Variants in PHF14 observed in about 807,000 individuals in gnomAD.
PHF14 encodes PHD finger protein 14.
Under a neutral mutation model 117.9 loss-of-function variants are expected in PHF14, and 55 were observed. The ratio of observed to expected loss-of-function variants is 0.47; its 90% CI spans 0.38 to 0.58. The LOEUF is 0.58. PHF14 is among the 20% of genes least tolerant of loss of function. PHF14 has a pLI of 0.00. For synonymous variants in PHF14, 409 were observed against 368.6 expected (o/e 1.11, Z -1.26); for missense variants, 978 against 1,122.2 (o/e 0.87, Z 1.84).
Position 11,061,788 on chromosome 7 carries a change from C to A in PHF14, c.2482-3C>A. Reference sequence around the variant, plus strand: ...TTTTGTTTTTTTTTTTGTTTTTTTCCAGAGAACCAGAGGACGAAAACGAAG... The same window carrying A: ...TTTTGTTTTTTTTTTTGTTTTTTTCAAGAGAACCAGAGGACGAAAACGAAG... On this transcript the variant is annotated splice_region_variant and splice_polypyrimidine_tract_variant and intron_variant, in intron 14 of 17. Coordinates refer to ENST00000634607, the MANE Select transcript of PHF14 (RefSeq NM_001007157.2). 1 of 1,480,430 alleles carries A rather than the reference C, an allele frequency of 6.8e-7. No individual in the cohort carries two copies. The highest frequency in any genetic ancestry group is 8.9e-7 in the Non-Finnish European group (1 of 1,118,866). The allele number at this position is 1,480,430 out of a possible 1,614,324, so 91.7% of individuals were successfully genotyped here. A position where few individuals can be genotyped will look rare whatever the true frequency, so the allele number is the denominator to read the frequency against.
intron 17 of PHF14, among the ~76,000 whole-genome samples, chr7:11,124,753 T>C (rs1182423122): frequency 2.0e-5 from 3 of 152,150 alleles, no homozygotes; most frequent in Admixed American, 2.0e-4. Flanking sequence ...TTAAAATAGG[T>C]ATTTTCTATT....
At position 11,148,022 on chromosome 7, in the gene PHF14, G is replaced by A. The variant is rs758660024; in HGVS notation, c.2773-21394G>A. 3.5e-4 allele frequency among the ~76,000 whole-genome samples: 54 copies of A among 152,124 alleles called. 1 individual carries two copies. Among genetic ancestry groups the A allele is most frequent in the Non-Finnish European group, 6.9e-4 (47 of 68,016 alleles). On this transcript the variant is annotated intron_variant, in intron 17 of 17. Coordinates refer to ENST00000634607, the MANE Select transcript of PHF14 (RefSeq NM_001007157.2). ...ATCATTTTTGACAACCAGCAGCAGTGTAATCATTCCTAATTACTTTCTTTT... is the reference window on the plus strand; with the variant it reads ...ATCATTTTTGACAACCAGCAGCAGTATAATCATTCCTAATTACTTTCTTTT...
chr7:11,106,249 C>T, intron 16 of PHF14: 1 of 972,544 alleles, frequency 1.0e-6, no homozygotes, highest in South Asian at 4.7e-5. Flanking sequence ...GGATATTTTT[C>T]TAATTTTTTA....
intron 7 of PHF14, among the ~76,000 whole-genome samples, chr7:11,030,313 A>G (rs1784079324): frequency 6.6e-6 from 1 of 152,116 alleles, no homozygotes; most frequent in African/African-American, 2.4e-5. Flanking sequence ...GGGAATCTAT[A>G]GGATAAGGTT....
chr7:11,062,289 G>C lies in PHF14; in HGVS notation c.2654+204G>C, dbSNP rs58253114. Reference sequence around the variant, plus strand: ...TCTGGATTTAAATGTAAATAAGAGTGATAATCTGCCTGTTTAACACAGGGA... The same window carrying C: ...TCTGGATTTAAATGTAAATAAGAGTCATAATCTGCCTGTTTAACACAGGGA... On this transcript the variant is annotated intron_variant, in intron 16 of 17. Coordinates refer to ENST00000634607, the MANE Select transcript of PHF14 (RefSeq NM_001007157.2). 2,444 of 371,434 alleles carry C rather than the reference G, an allele frequency of 6.6e-3. 52 individuals carry two copies. Among genetic ancestry groups the C allele is most frequent in the African/African-American group, 0.047 (2,258 of 48,108 alleles). The allele number at this position is 371,434 out of a possible 1,614,324, so 23.0% of individuals were successfully genotyped here.
chr7:11,035,936 T>A, intron 8 of PHF14, 150 bp downstream of exon 8: 1 of 645,236 alleles, frequency 1.5e-6, no homozygotes, highest in Non-Finnish European at 2.7e-6. Flanking sequence ...AAATAGTGAG[T>A]ATAATTTTTG....
chr7:11,018,979 G>A (rs1471904582), intron 5 of PHF14, among the ~76,000 whole-genome samples: 2 of 152,080 alleles, frequency 1.3e-5, no homozygotes, highest in African/African-American at 2.4e-5. Flanking sequence ...TGCTTTTTCA[G>A]CATCAGTTGA....
chr7:11,086,554 A>T (rs1487869452), intron 16 of PHF14, among the ~76,000 whole-genome samples: 1 of 152,140 alleles, frequency 6.6e-6, no homozygotes, highest in Admixed American at 6.5e-5. Flanking sequence ...TTTTTTAATA[A>T]TTAAATTAAT....
At chr7:11,038,729 A>G (rs970757488) in intron 10 of PHF14, 31 bp from the exon 11 acceptor site, 13 of 880,246 alleles carry the variant, frequency 1.5e-5, no homozygotes, top group Non-Finnish European at 2.3e-5. Context: ...AGATATTTTA[A>G]TGAAGTTTAC....
intron 17 of PHF14, among the ~76,000 whole-genome samples, chr7:11,159,364 A>G (rs903185818): frequency 1.3e-5 from 2 of 152,092 alleles, no homozygotes; most frequent in Admixed American, 1.3e-4. Context: ...TGCCTAGAAC[A>G]TCAAGACTCA....
At chr7:11,016,804 A>T (rs1783550074) in intron 5 of PHF14, among the ~76,000 whole-genome samples, 1 of 152,092 alleles carries the variant, frequency 6.6e-6, no homozygotes. Flanking sequence ...GACTGTAGTC[A>T]CCCTGTTGTG....
At chr7:11,049,244 G>A (rs374639835) in intron 13 of PHF14, among the ~76,000 whole-genome samples, 11 of 152,108 alleles carry the variant, frequency 7.2e-5, no homozygotes, top group African/African-American at 2.4e-4. Context: ...AGGCTGAGGC[G>A]GGAGGATCAC....
intron 17 of PHF14, among the ~76,000 whole-genome samples, chr7:11,124,345 A>C (rs2128347024): frequency 6.6e-6 from 1 of 152,244 alleles, no homozygotes; most frequent in Non-Finnish European, 1.5e-5. Context: ...CATGTATGGC[A>C]GTTTACCATG....
At chr7:11,144,084 G>C (rs1434385946) in intron 17 of PHF14, among the ~76,000 whole-genome samples, 1 of 152,002 alleles carries the variant, frequency 6.6e-6, no homozygotes, top group Non-Finnish European at 1.5e-5. Context: ...TTTCTCAAAA[G>C]TCATACAAGC....
intron 17 of PHF14, among the ~76,000 whole-genome samples, chr7:11,129,286 C>G (rs1332481702): frequency 1.3e-5 from 2 of 151,998 alleles, no homozygotes. Flanking sequence ...TTCTGGCAGC[C>G]ATGACCCAAA....
rs536628120 is a variant in PHF14, at chr7:11,030,301, C to T, written c.1455+1483C>T. 1.8e-4 allele frequency among the ~76,000 whole-genome samples: 28 copies of T among 152,118 alleles called. No homozygotes were observed. In the Middle Eastern group the frequency reaches 0.01, roughly 55 times the overall value. ...ATAAATACTACGTAAATACTTGGAT[C>T]AGGGAATCTATAGGATAAGGTTAGT... On this transcript the variant is annotated intron_variant, in intron 7 of 17. Coordinates refer to ENST00000634607, the MANE Select transcript of PHF14 (RefSeq NM_001007157.2).
At chr7:11,026,399 T>A (rs1392631719) in intron 6 of PHF14, among the ~76,000 whole-genome samples, 1 of 152,174 alleles carries the variant, frequency 6.6e-6, no homozygotes, top group Non-Finnish European at 1.5e-5. Context: ...AAAATTCTCG[T>A]GATTTGTTTT....
rs200516226 is a variant in PHF14, at chr7:11,107,709, AT to A, written c.2655-3638del. Reference sequence around the variant, plus strand: ...AATAATCTGTTTTTATTACATAGACATTTGTGTTATTTAATAAAGTATATTG... The same window carrying A: ...AATAATCTGTTTTTATTACATAGACATTGTGTTATTTAATAAAGTATATTG... On this transcript the variant is annotated intron_variant, in intron 16 of 17. Coordinates refer to ENST00000634607, the MANE Select transcript of PHF14 (RefSeq NM_001007157.2). 2,707 of 710,550 alleles carry A rather than the reference AT, an allele frequency of 3.8e-3. 56 individuals are homozygous for A. The African/African-American group carries it at 0.049, about 13-fold the overall frequency. The allele number at this position is 710,550 out of a possible 1,614,324, so 44.0% of individuals were successfully genotyped here.
At chr7:10,990,576 A>G (rs1307827721) in intron 3 of PHF14, 127 bp from the exon 4 acceptor site, 2 of 595,076 alleles carry the variant, frequency 3.4e-6, no homozygotes, top group Non-Finnish European at 5.8e-6. Context: ...TTAATAAAAG[A>G]ATGGAAAATG....
Sources: allele counts gnomAD v4.1 joint callset (sites outside exome capture counted in the v4.1 genomes callset), GRCh38; gene constraint gnomAD v4.1.1; transcripts MANE v1.5; gene names NCBI Gene and HGNC (gene_info 2026-07-23, HGNC 2026-07-21).